Variants in NEGR1 observed in about 807,000 individuals in gnomAD.
NEGR1 encodes the protein IgLON family member 4.
In NEGR1, 10 loss-of-function variants were observed where a neutral mutation model predicts 40.9. The observed-to-expected ratio is 0.24, with a 90% confidence interval of 0.15 to 0.42. NEGR1 has a LOEUF of 0.42. Ranked by LOEUF, NEGR1 falls within the 10% of genes least tolerant of loss-of-function variation. The pLI is 1.00. For synonymous variants in NEGR1, 185 were observed against 166.8 expected, an observed-to-expected ratio of 1.11 and a Z score of -0.84; for missense variants, 352 against 438.9, an observed-to-expected ratio of 0.80 and a Z score of 1.77.
intron 3 of NEGR1, among the ~76,000 whole-genome samples, chr1:71,740,664 AT>A (rs1655185974): frequency 6.6e-6 from 1 of 152,120 alleles, no homozygotes; most frequent in Admixed American, 6.6e-5. Flanking sequence ...TTTCTGGCAA[AT>A]CTCAAGGGAC....
chr1:71,625,866 A>G (rs1416988429), intron 4 of NEGR1, among the ~76,000 whole-genome samples: 8 of 151,352 alleles, frequency 5.3e-5, no homozygotes, highest in Non-Finnish European at 8.9e-5. Flanking sequence ...ATTTTTTTTT[A>G]TATTTAGATG....
chr1:72,092,216 G>A (rs1311155821), intron 1 of NEGR1, among the ~76,000 whole-genome samples: 3 of 152,132 alleles, frequency 2.0e-5, no homozygotes, highest in Non-Finnish European at 2.9e-5. Context: ...TGACAGGAAA[G>A]GTAGAGACTA....
chr1:71,701,751 A>G (rs1214585656), intron 3 of NEGR1, among the ~76,000 whole-genome samples: 1 of 152,086 alleles, frequency 6.6e-6, no homozygotes, highest in Admixed American at 6.6e-5. Flanking sequence ...ATTTTAATTT[A>G]ATTATAATAT....
intron 2 of NEGR1, among the ~76,000 whole-genome samples, chr1:71,853,132 C>G (rs781353983): frequency 1.3e-5 from 2 of 152,122 alleles, no homozygotes; most frequent in African/African-American, 2.4e-5. Flanking sequence ...ATATTATATT[C>G]TTATATCTAT....
intron 1 of NEGR1, among the ~76,000 whole-genome samples, chr1:72,109,644 G>A (rs764398419): frequency 2.6e-5 from 4 of 151,480 alleles, no homozygotes; most frequent in African/African-American, 4.8e-5. Context: ...TTAGTATGAA[G>A]GCAGACACTT....
At chr1:71,865,349 T>A (rs1344022335) in intron 2 of NEGR1, among the ~76,000 whole-genome samples, 1 of 152,090 alleles carries the variant, frequency 6.6e-6, no homozygotes, top group Non-Finnish European at 1.5e-5. Context: ...TGCCCATCAA[T>A]GATAGACTTG....
intron 1 of NEGR1, among the ~76,000 whole-genome samples, chr1:71,942,087 A>C (rs991790357): frequency 1.3e-5 from 2 of 150,642 alleles, no homozygotes; most frequent in African/African-American, 5.0e-5. Flanking sequence ...GTAATAGCAA[A>C]AAAGAAAAAA....
At chr1:71,656,795 T>C (rs902735574) in intron 4 of NEGR1, among the ~76,000 whole-genome samples, 12 of 152,374 alleles carry the variant, frequency 7.9e-5, no homozygotes, top group Middle Eastern at 3.4e-3. Flanking sequence ...TTTGGTGTTC[T>C]ATATCTATGG....
intron 3 of NEGR1, among the ~76,000 whole-genome samples, chr1:71,741,156 A>C (rs1411991008): frequency 6.6e-6 from 1 of 152,164 alleles, no homozygotes; most frequent in African/African-American, 2.4e-5. Flanking sequence ...AGACACCCAG[A>C]GTCTGGGGTT....
At chr1:71,897,869 T>C (rs1228733882) in intron 2 of NEGR1, among the ~76,000 whole-genome samples, 1 of 152,204 alleles carries the variant, frequency 6.6e-6, no homozygotes, top group Non-Finnish European at 1.5e-5. Flanking sequence ...ATAATTTTAA[T>C]CAATACTGAA....
At chr1:71,574,208 C>A (rs578034760) in intron 6 of NEGR1, among the ~76,000 whole-genome samples, 1 of 152,290 alleles carries the variant, frequency 6.6e-6, no homozygotes, top group South Asian at 2.1e-4. Flanking sequence ...TCCATAATGG[C>A]CAGCCATGCT....
At chr1:71,652,948 T>C (rs948384507) in intron 4 of NEGR1, among the ~76,000 whole-genome samples, 3 of 152,160 alleles carry the variant, frequency 2.0e-5, no homozygotes, top group Non-Finnish European at 4.4e-5. Flanking sequence ...ATTATTTTCT[T>C]CTCTTTGCAC....
chr1:72,168,754 G>A (rs1016471466), intron 1 of NEGR1, among the ~76,000 whole-genome samples: 1 of 152,048 alleles, frequency 6.6e-6, no homozygotes, highest in African/African-American at 2.4e-5. Context: ...AAATTAATTC[G>A]CCAGGTGTGG....
rs1013727720 is a variant in NEGR1, at chr1:71,401,320, G to A, written c.*6126C>T. Reference sequence around the variant, plus strand: ...CCTCTATTAGTACATTAATTTCAAGGTTTTTGATCTATAAATGTGTATGTT... The same window carrying A: ...CCTCTATTAGTACATTAATTTCAAGATTTTTGATCTATAAATGTGTATGTT... On this transcript the variant is annotated 3_prime_UTR_variant, in exon 7 of 7. Transcript: ENST00000357731. The A allele has an allele frequency of 5.7e-4, 87 of 152,170 alleles. 1 individual carries two copies. Among genetic ancestry groups the A allele is most frequent in the African/African-American group, 2.0e-3 (85 of 41,530 alleles). 9.4% of individuals were successfully genotyped at this position (152,170 alleles called of 1,614,324 possible).
At chr1:71,551,160 A>G (rs573555813) in intron 6 of NEGR1, among the ~76,000 whole-genome samples, 2 of 151,768 alleles carry the variant, frequency 1.3e-5, no homozygotes, top group East Asian at 3.9e-4. Flanking sequence ...ATTCTTTTAC[A>G]GTCATCTTCA....
chr1:71,698,603 T>C (rs1286288290), intron 3 of NEGR1, among the ~76,000 whole-genome samples: 1 of 151,822 alleles, frequency 6.6e-6, no homozygotes, highest in African/African-American at 2.4e-5. Flanking sequence ...AAGTCAGATG[T>C]CTTGAAAAAA....
At chr1:72,115,586 C>G (rs1649550086) in intron 1 of NEGR1, among the ~76,000 whole-genome samples, 1 of 151,576 alleles carries the variant, frequency 6.6e-6, no homozygotes, top group South Asian at 2.1e-4. Flanking sequence ...GTACTTTGAG[C>G]CTGACAAAAG....
chr1:71,760,139 GA>G (rs903598940), intron 3 of NEGR1, among the ~76,000 whole-genome samples: 3 of 152,008 alleles, frequency 2.0e-5, no homozygotes, highest in Admixed American at 6.6e-5. Flanking sequence ...TGCTCTCTCA[GA>G]AAATAAAATT....
chr1:72,238,396 CAT>C (rs1353891397), intron 1 of NEGR1, among the ~76,000 whole-genome samples: 3 of 151,948 alleles, frequency 2.0e-5, no homozygotes, highest in African/African-American at 7.2e-5. Flanking sequence ...CTATATAAAA[CAT>C]GTATATCGAA....
Sources: gnomAD v4.1 joint callset for allele counts (sites outside exome capture counted in the v4.1 genomes callset) on GRCh38, gnomAD v4.1.1 for gene constraint, MANE v1.5 for transcripts, NCBI Gene and HGNC (gene_info 2026-07-23, HGNC 2026-07-21) for gene names.